The following IQGAP1 variants were observed in gnomAD, a reference collection of about 807,000 sequenced individuals.
IQGAP1 encodes the protein IQ motif containing GTPase activating protein 1, also known as ras GTPase-activating-like protein IQGAP1.
IQGAP1 carries 66 observed loss-of-function variants against 215.6 expected under a neutral mutation model. The ratio of observed to expected loss-of-function variants is 0.31; its 90% CI spans 0.25 to 0.38. The LOEUF is 0.38. IQGAP1 is among the 10% of genes least tolerant of loss of function. The pLI, the probability that IQGAP1 is intolerant of heterozygous loss-of-function variation, is 1.00. For synonymous variants in IQGAP1, 772 were observed against 728.7 expected, an observed-to-expected ratio of 1.06 and a Z score of -0.96; for missense variants, 1,712 against 1,997.1, an observed-to-expected ratio of 0.86 and a Z score of 2.72.
intron 2 of IQGAP1, chr15:90,393,510 A>G (rs1350633869): frequency 6.6e-6 from 1 of 151,832 alleles, no homozygotes; most frequent in Non-Finnish European, 1.5e-5. Flanking sequence ...TGGATGCAGA[A>G]CCCATGGATA....
At chr15:90,442,987 T>C (rs1346111820) in intron 8 of IQGAP1, among the ~76,000 whole-genome samples, 1 of 151,584 alleles carries the variant, frequency 6.6e-6, no homozygotes, top group Non-Finnish European at 1.5e-5. Flanking sequence ...AAAGACAGAA[T>C]CTCGCTCAGT....
At chr15:90,465,186 A>G (rs759028366) in intron 15 of IQGAP1, among the ~76,000 whole-genome samples, 14 of 152,268 alleles carry the variant, frequency 9.2e-5, no homozygotes, top group Non-Finnish European at 2.1e-4. Context: ...TGAGAAATGT[A>G]GATTGCCTGT....
At chr15:90,450,369 T>G (rs992360683) in intron 11 of IQGAP1, among the ~76,000 whole-genome samples, 1 of 146,308 alleles carries the variant, frequency 6.8e-6, no homozygotes, top group Non-Finnish European at 1.5e-5. Flanking sequence ...TTTTTACCAT[T>G]TATTCATTGA....
chr15:90,408,815 A>AGGGTCTTGCTCTCTTGCCCAG (rs1421732552), intron 2 of IQGAP1, among the ~76,000 whole-genome samples: 12 of 152,146 alleles, frequency 7.9e-5, no homozygotes, highest in African/African-American at 1.2e-4. Flanking sequence ...TTTTAGAGAA[A>AGGGTCTTGCTCTCTTGCCCAG]GGGTCTTGCT....
intron 35 of IQGAP1, 28 bp downstream of exon 35, chr15:90,492,739 A>G (rs761541972): frequency 1.9e-6 from 3 of 1,584,824 alleles, no homozygotes; most frequent in Non-Finnish European, 2.6e-6. Flanking sequence ...TTAAAGAATC[A>G]ATGTCAGAAT....
intron 3 of IQGAP1, among the ~76,000 whole-genome samples, chr15:90,427,715 G>T (rs1021065012): frequency 1.3e-5 from 2 of 152,086 alleles, no homozygotes; most frequent in African/African-American, 4.8e-5. Context: ...ACTCCAGCCT[G>T]GGCAACAGAG....
chr15:90,481,295 T>A lies in IQGAP1; in HGVS notation c.3330-665T>A, dbSNP rs945491814. 5.4e-3 allele frequency among the ~76,000 whole-genome samples: 640 copies of A among 117,812 alleles called. 1 individual carries two copies. The highest frequency in any genetic ancestry group is 0.023 in the African/African-American group (614 of 27,220). The allele number at this position is 117,812 out of a possible 152,430, so 77.3% of individuals were successfully genotyped here. A position where few individuals can be genotyped will look rare whatever the true frequency, so the allele number is the denominator to read the frequency against. On this transcript the variant is annotated intron_variant, in intron 26 of 37. Coordinates refer to ENST00000268182, the MANE Select transcript of IQGAP1 (RefSeq NM_003870.4). ...TTTTTTTTTTTTTTTTTTTTTTTTT[T>A]AAGACAAGGTCTTGCTCAAGCAGTC...
intron 4 of IQGAP1, 105 bp downstream of exon 4, chr15:90,429,771 G>C: frequency 1.6e-6 from 1 of 644,442 alleles, no homozygotes; most frequent in Non-Finnish European, 2.6e-6. Context: ...CAGAATCTTT[G>C]GTGTTTTTTT....
intron 32 of IQGAP1, 48 bp from the exon 33 acceptor site, chr15:90,487,447 G>A: frequency 7.3e-7 from 1 of 1,365,594 alleles, no homozygotes; most frequent in Non-Finnish European, 1.0e-6. Context: ...CACTTGAGAG[G>A]AACTAGAACA....
At chr15:90,420,830 C>T (rs779577243) in intron 2 of IQGAP1, among the ~76,000 whole-genome samples, 3 of 152,232 alleles carry the variant, frequency 2.0e-5, no homozygotes, top group Non-Finnish European at 4.4e-5. Context: ...TCAGGCAACC[C>T]TCCCACCTCA....
At chr15:90,419,297 A>G (rs1965099521) in intron 2 of IQGAP1, among the ~76,000 whole-genome samples, 1 of 152,174 alleles carries the variant, frequency 6.6e-6, no homozygotes, top group African/African-American at 2.4e-5. Context: ...TGTTGCAAAG[A>G]TTGAGATAAT....
chr15:90,461,487 T>C (rs1214960905), intron 15 of IQGAP1, among the ~76,000 whole-genome samples: 2 of 152,228 alleles, frequency 1.3e-5, no homozygotes, highest in Non-Finnish European at 2.9e-5. Context: ...AGTAGTACAG[T>C]CTGAATGCAA....
chr15:90,459,715 T>G (rs2151026445), intron 15 of IQGAP1, among the ~76,000 whole-genome samples: 1 of 152,354 alleles, frequency 6.6e-6, no homozygotes, highest in Non-Finnish European at 1.5e-5. Context: ...TGTTTTGTTT[T>G]GTTTTGTTTT....
In IQGAP1 at chr15:90,482,266, G is replaced by A. The variant is rs768991566; in HGVS notation, c.3540G>A (p.Glu1180=). ...ATGAGAAGTTCCCTGATGCTGGTGAGGATGAGCTGCTGAAGGTAAGAATCT... is the reference window on the plus strand; with the variant it reads ...ATGAGAAGTTCCCTGATGCTGGTGAAGATGAGCTGCTGAAGGTAAGAATCT... The part of the protein sequence containing the change: ...SLHEKFPDAG[E]DELLKIIGNL... The change falls in exon 28 of 38, where the codon GAG becomes GAA. Residue 1180 remains glutamate, a synonymous_variant. Transcript: ENST00000268182. The A allele has an allele frequency of 6.2e-7, 1 of 1,614,226 alleles. No individual in the cohort carries two copies. The highest frequency in any genetic ancestry group is 1.7e-5 in the Admixed American group (1 of 60,034).
chr15:90,482,478 A>G (rs1028424789), intron 28 of IQGAP1, among the ~76,000 whole-genome samples, 197 bp downstream of exon 28: 1 of 152,212 alleles, frequency 6.6e-6, no homozygotes, highest in Admixed American at 6.5e-5. Context: ...TTTGGCACAC[A>G]AACATCAAAC....
intron 2 of IQGAP1, among the ~76,000 whole-genome samples, chr15:90,401,945 TC>T (rs1964810610): frequency 6.6e-6 from 1 of 152,242 alleles, no homozygotes; most frequent in Non-Finnish European, 1.5e-5. Flanking sequence ...ATAACACTTT[TC>T]CCAAGGTCAT....
chr15:90,477,027 A>G (rs1278584997), intron 24 of IQGAP1, 40 bp from the exon 25 acceptor site: 3 of 1,589,390 alleles, frequency 1.9e-6, no homozygotes, highest in East Asian at 2.2e-5. Context: ...GCCAGCCTTT[A>G]TATTACCTAC....
intron 2 of IQGAP1, among the ~76,000 whole-genome samples, chr15:90,410,341 TA>T (rs1212274159): frequency 1.3e-5 from 2 of 152,334 alleles, no homozygotes; most frequent in African/African-American, 4.8e-5. Flanking sequence ...ACTGGGTATG[TA>T]CCCAAAGGAT....
chr15:90,414,797 C>T (rs1296622874), intron 2 of IQGAP1, among the ~76,000 whole-genome samples: 2 of 152,086 alleles, frequency 1.3e-5, no homozygotes, highest in Non-Finnish European at 2.9e-5. Flanking sequence ...TTTCCAACTG[C>T]CTACAAGATG....
Sources: gnomAD v4.1 joint callset for allele counts (sites outside exome capture counted in the v4.1 genomes callset) on GRCh38, gnomAD v4.1.1 for gene constraint, MANE v1.5 for transcripts, NCBI Gene and HGNC (gene_info 2026-07-23, HGNC 2026-07-21) for gene names.